Variants in POGZ observed in about 807,000 individuals in gnomAD.
POGZ encodes pogo transposable element derived with ZNF domain, also known as pogo transposable element with ZNF domain.
A neutral mutation model predicts 134.6 loss-of-function variants in POGZ; 17 were observed. The observed-to-expected ratio is 0.13, with a 90% CI of 0.09 to 0.19. POGZ has a LOEUF of 0.19. Ranked by LOEUF, POGZ falls within the 10% of genes least tolerant of loss-of-function variation. The pLI is 1.00. For missense variants in POGZ, 1,306 were observed against 1,769.7 expected (o/e 0.74, Z 4.70); for synonymous variants, 693 against 657.1 (o/e 1.05, Z -0.84).
intron 10 of POGZ, among the ~76,000 whole-genome samples, chr1:151,412,801 C>G (rs753537469): frequency 3.7e-4 from 57 of 152,068 alleles, no homozygotes; most frequent in Middle Eastern, 3.2e-3. Flanking sequence ...CATGTAGGAA[C>G]TGTCACTTCT....
At chr1:151,411,117 C>T (rs1283249904) in intron 12 of POGZ, among the ~76,000 whole-genome samples, 1 of 152,188 alleles carries the variant, frequency 6.6e-6, no homozygotes, top group Admixed American at 6.5e-5. Context: ...CTTAAAACCC[C>T]TTTAGTGGCT....
In POGZ at chr1:151,403,960, T is replaced by C. The variant is rs771595149; in HGVS notation, c.*842A>G. On this transcript the variant is annotated 3_prime_UTR_variant, in exon 19 of 19. Transcript: ENST00000271715. ...CTCTTGCTTGCTAATAACACCTGTA[T>C]GATCCTTTGTCCAGAGGGATGGATG... The C allele has an allele frequency of 2.0e-5, 20 of 985,348 alleles. No individual in the cohort carries two copies. Among genetic ancestry groups the C allele is most frequent in the Non-Finnish European group, 2.4e-5 (20 of 829,946 alleles). 61.0% of individuals were successfully genotyped at this position (985,348 alleles called of 1,614,324 possible).
chr1:151,410,381 T>C (rs1205112032), intron 12 of POGZ, among the ~76,000 whole-genome samples: 2 of 152,210 alleles, frequency 1.3e-5, no homozygotes, highest in African/African-American at 4.8e-5. Flanking sequence ...CTCATCAATG[T>C]TGCTAAATTA....
chr1:151,425,210 T>G, intron 7 of POGZ, 149 bp from the exon 8 acceptor site: 1 of 516,820 alleles, frequency 1.9e-6, no homozygotes, highest in Admixed American at 2.9e-5. Flanking sequence ...TTTGTTTTTG[T>G]TTTTTTTGAG....
intron 10 of POGZ, among the ~76,000 whole-genome samples, chr1:151,418,076 C>T (rs1011008151): frequency 2.0e-5 from 3 of 151,860 alleles, no homozygotes; most frequent in East Asian, 1.9e-4. Flanking sequence ...ATTAGCCGGG[C>T]GTGGTGGCGT....
intron 11 of POGZ, 112 bp from the exon 12 acceptor site, chr1:151,411,883 AATGCATAG>A: frequency 1.3e-6 from 1 of 790,736 alleles, no homozygotes; most frequent in Non-Finnish European, 1.9e-6. Flanking sequence ...AGTTTTCTCA[AATGCATAG>A]AAATCAAATT....
At chr1:151,438,669 G>A (rs1660025670) in intron 3 of POGZ, among the ~76,000 whole-genome samples, 1 of 152,056 alleles carries the variant, frequency 6.6e-6, no homozygotes, top group Non-Finnish European at 1.5e-5. Flanking sequence ...CTTGAGCTTG[G>A]GAGTTTGAGA....
intron 12 of POGZ, among the ~76,000 whole-genome samples, chr1:151,410,781 C>G (rs2102182520): frequency 6.6e-6 from 1 of 152,290 alleles, no homozygotes; most frequent in South Asian, 2.1e-4. Context: ...CACAAATATA[C>G]TTTCTCTATT....
intron 1 of POGZ, among the ~76,000 whole-genome samples, chr1:151,448,972 C>T (rs960369430): frequency 1.3e-5 from 2 of 152,146 alleles, no homozygotes; most frequent in Non-Finnish European, 2.9e-5. Flanking sequence ...CTCAACTATT[C>T]CTAAGCTAGT....
intron 1 of POGZ, among the ~76,000 whole-genome samples, chr1:151,445,050 C>T (rs1173392477): frequency 6.6e-6 from 1 of 151,586 alleles, no homozygotes; most frequent in Non-Finnish European, 1.5e-5. Flanking sequence ...TACTCCATCC[C>T]TACAAAATAA....
At chr1:151,437,463 A>C (rs1374477156) in intron 3 of POGZ, among the ~76,000 whole-genome samples, 4 of 152,164 alleles carry the variant, frequency 2.6e-5, no homozygotes, top group Non-Finnish European at 5.9e-5. Context: ...AATTATTCTC[A>C]TTTGCTGGTG....
Position 151,430,671 on chromosome 1 carries a change from T to C in POGZ, c.454A>G (p.Thr152Ala). ...PVASQPIFITTQGFPVRNVRP... is the reference protein window; with the variant it reads ...PVASQPIFITAQGFPVRNVRP... ...GAATTCAGAGTCCTACTCACCTGCG[T>C]AGTGATAAATATTGGTTGTGAGGCC... The change falls in exon 4 of 19, where the codon ACG becomes GCG. Residue 152 changes from threonine (T) to alanine (A), a missense_variant. Coordinates refer to ENST00000271715, the MANE Select transcript of POGZ (RefSeq NM_015100.4). 1.2e-6 allele frequency: 2 copies of C among 1,605,098 alleles called. No individual in the cohort carries two copies. Among genetic ancestry groups the C allele is most frequent in the Non-Finnish European group, 1.7e-6 (2 of 1,175,076 alleles).
chr1:151,458,782 G>A (rs911813209), intron 1 of POGZ, among the ~76,000 whole-genome samples: 2 of 145,530 alleles, frequency 1.4e-5, no homozygotes, highest in Admixed American at 1.4e-4. Context: ...GTGGACGTCG[G>A]GCTGTGTGCG....
intron 10 of POGZ, among the ~76,000 whole-genome samples, chr1:151,417,713 C>T (rs1242718871): frequency 6.6e-6 from 1 of 150,426 alleles, no homozygotes; most frequent in Non-Finnish European, 1.5e-5. Flanking sequence ...CACACACACA[C>T]ACACACACAC....
intron 1 of POGZ, chr1:151,451,145 G>C (rs1662012278): frequency 1.3e-5 from 2 of 151,718 alleles, no homozygotes; most frequent in Non-Finnish European, 2.9e-5. Flanking sequence ...TGCCTCAAAG[G>C]GAAAGAAAAA....
chr1:151,437,066 C>T (rs1209384004), intron 3 of POGZ, among the ~76,000 whole-genome samples: 4 of 152,066 alleles, frequency 2.6e-5, no homozygotes, highest in Non-Finnish European at 4.4e-5. Context: ...TGGTGGCAGG[C>T]ACCTGCAGTC....
At chr1:151,435,872 A>C (rs1659487196) in intron 3 of POGZ, among the ~76,000 whole-genome samples, 1 of 152,106 alleles carries the variant, frequency 6.6e-6, no homozygotes, top group South Asian at 2.1e-4. Context: ...TGCCCATTTA[A>C]AATACACAAT....
At position 151,406,137 on chromosome 1, in the gene POGZ, T is replaced by G; in HGVS notation, c.2898A>C (p.Gly966=). 1.9e-6 allele frequency: 3 copies of G among 1,614,184 alleles called. No individual in the cohort carries two copies. Among genetic ancestry groups the G allele is most frequent in the African/African-American group, 2.7e-5 (2 of 75,044 alleles). Residue 966 remains glycine (G), a synonymous_variant, in exon 19 of 19, where the codon GGA becomes GGC. Coordinates refer to ENST00000271715, the MANE Select transcript of POGZ (RefSeq NM_015100.4). ...CAGACAGCTGCTCCTTTTTGCCAAC[T>G]CCACCACTACCACCACCACCTGATG... ...ELASGGGGSG[G]VGKKEQLSVK... is the part of the protein sequence containing the mutation.
intron 7 of POGZ, 55 bp from the exon 8 acceptor site, chr1:151,425,116 T>C (rs1256809598): frequency 1.6e-5 from 15 of 946,348 alleles, no homozygotes; most frequent in Non-Finnish European, 2.2e-5. Flanking sequence ...GGAAAAAGAT[T>C]ACTGACCTTT....
Sources: gnomAD v4.1 joint callset for allele counts (sites outside exome capture counted in the v4.1 genomes callset) on GRCh38, gnomAD v4.1.1 for gene constraint, MANE v1.5 for transcripts, NCBI Gene and HGNC (gene_info 2026-07-23, HGNC 2026-07-21) for gene names.